MCU: variants seen among roughly 807,000 people sequenced by gnomAD.
The protein encoded by MCU is calcium uniporter protein, mitochondrial.
In MCU, 12 loss-of-function variants were observed where a neutral mutation model predicts 45.2. That is an observed-to-expected ratio of 0.27 (90% confidence interval 0.17 to 0.43). MCU has a LOEUF of 0.43. MCU is among the 20% of genes least tolerant of loss of function. The probability of loss-of-function intolerance (pLI) is 1.00; values close to 1 mark genes in which losing one functional copy is unlikely to be tolerated. For synonymous variants in MCU, 160 were observed against 165.1 expected (o/e 0.97, Z 0.24); for missense variants, 324 against 436.7 (o/e 0.74, Z 2.30).
intron 1 of MCU, among the ~76,000 whole-genome samples, chr10:72,773,123 C>G (rs1186621027): frequency 2.6e-5 from 4 of 152,072 alleles, no homozygotes; most frequent in Non-Finnish European, 5.9e-5. Flanking sequence ...TCTTGAATTC[C>G]TGGGCTCAAG....
At chr10:72,809,207 A>G (rs1339949143) in intron 1 of MCU, among the ~76,000 whole-genome samples, 1 of 152,206 alleles carries the variant, frequency 6.6e-6, no homozygotes, top group East Asian at 1.9e-4. Context: ...CTTTATATGC[A>G]TTAGCCCTTT....
intron 4 of MCU, among the ~76,000 whole-genome samples, chr10:72,865,706 A>T (rs1845441763): frequency 6.6e-6 from 1 of 150,660 alleles, no homozygotes; most frequent in African/African-American, 2.4e-5. Context: ...ACGCCGGCAA[A>T]TTTTTTATTT....
At chr10:72,865,848 C>G (rs1326746520) in intron 4 of MCU, among the ~76,000 whole-genome samples, 1 of 149,710 alleles carries the variant, frequency 6.7e-6, no homozygotes, top group Non-Finnish European at 1.5e-5. Context: ...GCAATCTTGG[C>G]TCACTGCAAG....
chr10:72,820,677 AT>A (rs1750627091), intron 1 of MCU, among the ~76,000 whole-genome samples: 1 of 151,918 alleles, frequency 6.6e-6, no homozygotes, highest in South Asian at 2.1e-4. Context: ...TGCCCAGCTA[AT>A]TTTTTGTATT....
chr10:72,864,567 TTACTG>T (rs567562734), intron 4 of MCU, among the ~76,000 whole-genome samples: 290 of 152,352 alleles, frequency 1.9e-3, no homozygotes, highest in Non-Finnish European at 2.9e-3. Flanking sequence ...CTAGCTTACT[TTACTG>T]TAAGAATACA....
At chr10:72,729,319 A>G (rs1843140176) in intron 1 of MCU, among the ~76,000 whole-genome samples, 1 of 152,008 alleles carries the variant, frequency 6.6e-6, no homozygotes, top group Admixed American at 6.6e-5. Flanking sequence ...ACAAAAAAAA[A>G]TTTAGCCGGG....
chr10:72,722,699 G>C (rs1460183875), intron 1 of MCU, among the ~76,000 whole-genome samples: 3 of 152,190 alleles, frequency 2.0e-5, no homozygotes, highest in Admixed American at 2.0e-4. Context: ...TGCACTGAAA[G>C]TTGCTACTTC....
chr10:72,731,975 T>G (rs745921694), intron 1 of MCU, among the ~76,000 whole-genome samples: 3 of 152,256 alleles, frequency 2.0e-5, no homozygotes, highest in Non-Finnish European at 4.4e-5. Context: ...GTAGAATTGC[T>G]GAGACATAGG....
chr10:72,707,845 A>G (rs1237006527), intron 1 of MCU, among the ~76,000 whole-genome samples: 1 of 151,856 alleles, frequency 6.6e-6, no homozygotes, highest in Non-Finnish European at 1.5e-5. Context: ...TTTTTATTTT[A>G]TTTATTTTTC....
At chr10:72,735,833 T>C (rs1036245594) in intron 1 of MCU, among the ~76,000 whole-genome samples, 3 of 152,210 alleles carry the variant, frequency 2.0e-5, no homozygotes, top group Non-Finnish European at 2.9e-5. Context: ...TTTGTGGATC[T>C]TCAACCTTGA....
chr10:72,799,628 A>G (rs2132778563), intron 1 of MCU, among the ~76,000 whole-genome samples: 1 of 152,100 alleles, frequency 6.6e-6, no homozygotes, highest in African/African-American at 2.4e-5. Flanking sequence ...AACTCAGAAC[A>G]TTTTTTGTAA....
rs1460265382 is a variant in MCU, at chr10:72,886,724, A to G, written c.*902A>G. 6.6e-6 allele frequency: 1 copy of G among 152,374 alleles called. No homozygotes were observed. Among genetic ancestry groups the G allele is most frequent in the Non-Finnish European group, 1.5e-5 (1 of 68,048 alleles). The allele number at this position is 152,374 out of a possible 1,614,324, so 9.4% of individuals were successfully genotyped here. A position where few individuals can be genotyped will look rare whatever the true frequency, so the allele number is the denominator to read the frequency against. ...GAATCATGGCTCTGTAGCCATTTCAACCAGAATAATTTTATTGCTAATCTG... is the reference window on the plus strand; with the variant it reads ...GAATCATGGCTCTGTAGCCATTTCAGCCAGAATAATTTTATTGCTAATCTG... On this transcript the variant is annotated 3_prime_UTR_variant, in exon 8 of 8. Coordinates refer to ENST00000373053, the MANE Select transcript of MCU (RefSeq NM_138357.3).
At chr10:72,697,638 G>T (rs1414408874) in intron 1 of MCU, among the ~76,000 whole-genome samples, 1 of 151,770 alleles carries the variant, frequency 6.6e-6, no homozygotes, top group African/African-American at 2.4e-5. Flanking sequence ...GTTTCACCAT[G>T]TTGGACAGGC....
intron 1 of MCU, among the ~76,000 whole-genome samples, chr10:72,739,085 C>T (rs1298099737): frequency 6.6e-6 from 1 of 152,038 alleles, no homozygotes; most frequent in Non-Finnish European, 1.5e-5. Flanking sequence ...AAATGTCATG[C>T]CACAGTGATG....
intron 2 of MCU, among the ~76,000 whole-genome samples, chr10:72,841,361 G>GC (rs1252838174): frequency 1.3e-5 from 2 of 152,018 alleles, no homozygotes; most frequent in East Asian, 3.9e-4. Context: ...AAGTGCAATG[G>GC]CACTCAGCTC....
intron 1 of MCU, among the ~76,000 whole-genome samples, chr10:72,778,069 G>T (rs1476408909): frequency 2.6e-5 from 4 of 152,140 alleles, no homozygotes; most frequent in Non-Finnish European, 5.9e-5. Flanking sequence ...CTCGTAAACT[G>T]TTCTTGGGAA....
intron 2 of MCU, among the ~76,000 whole-genome samples, chr10:72,851,397 A>C (rs112226796): frequency 2.0e-5 from 3 of 152,332 alleles, no homozygotes; most frequent in African/African-American, 7.2e-5. Context: ...GGAGAACTGC[A>C]ATAGAGAAAG....
intron 6 of MCU, among the ~76,000 whole-genome samples, chr10:72,881,580 G>A (rs1361157918): frequency 1.3e-5 from 2 of 152,256 alleles, no homozygotes; most frequent in East Asian, 3.9e-4. Context: ...ACCATGAAGA[G>A]GGTAAATAGG....
At chr10:72,718,186 C>G (rs954768840) in intron 1 of MCU, among the ~76,000 whole-genome samples, 2 of 152,138 alleles carry the variant, frequency 1.3e-5, no homozygotes, top group African/African-American at 4.8e-5. Context: ...AAGTCCCTTT[C>G]AATTTCCAAG....
Sources: gnomAD v4.1 joint callset for allele counts (sites outside exome capture counted in the v4.1 genomes callset) on GRCh38, gnomAD v4.1.1 for gene constraint, MANE v1.5 for transcripts, NCBI Gene and HGNC (gene_info 2026-07-23, HGNC 2026-07-21) for gene names.